The following ERAP1 variants were observed in gnomAD, a reference collection of about 807,000 sequenced individuals.
The protein encoded by ERAP1 is endoplasmic reticulum aminopeptidase 1.
Under a neutral mutation model 103.7 loss-of-function variants are expected in ERAP1, and 86 were observed. That is an observed-to-expected ratio of 0.83 (90% CI 0.70 to 0.99). The LOEUF is 0.99. Ranked by LOEUF, ERAP1 falls within the 50% of genes least tolerant of loss-of-function variation. The probability of loss-of-function intolerance (pLI) is 0.00; values close to 1 mark genes in which losing one functional copy is unlikely to be tolerated. For missense variants in ERAP1, 1,009 were observed against 1,128.4 expected (o/e 0.89, Z 1.52); for synonymous variants, 398 against 402.4 (o/e 0.99, Z 0.13).
At chr5:96,787,963 G>T (rs151964) in intron 11 of ERAP1, among the ~76,000 whole-genome samples, 94,167 of 151,856 alleles carry the variant, frequency 0.62, 29,420 homozygotes, top group Non-Finnish European at 0.66. Flanking sequence ...GGATATATAG[G>T]AATTTGTTGT....
chr5:96,857,209 C>T, the ERAP1 span, among the ~76,000 whole-genome samples: 1 of 152,220 alleles, frequency 6.6e-6, no homozygotes. Flanking sequence ...TTCAAAGAAG[C>T]CTTCCCTGAT....
At chr5:96,794,106 A>G in intron 5 of ERAP1, 149 bp from the exon 6 acceptor site, 1 of 757,834 alleles carries the variant, frequency 1.3e-6, no homozygotes, top group African/African-American at 1.8e-5. Context: ...AATGGAGAAA[A>G]AGAGGCTTAG....
the ERAP1 span, among the ~76,000 whole-genome samples, chr5:96,869,217 A>G: frequency 6.6e-6 from 1 of 152,020 alleles, no homozygotes; most frequent in East Asian, 1.9e-4. Context: ...CTTATTAGTC[A>G]ATAAAATTCA....
the ERAP1 span, among the ~76,000 whole-genome samples, chr5:96,907,239 G>T: frequency 2.6e-5 from 4 of 152,094 alleles, no homozygotes; most frequent in Non-Finnish European, 4.4e-5. Context: ...TTGAAGCATA[G>T]GGTTAGTAAT....
chr5:96,776,881 T>G, intron 18 of ERAP1: 2 of 245,742 alleles, frequency 8.1e-6, no homozygotes, highest in Non-Finnish European at 1.6e-5. Context: ...CAAACTTCGT[T>G]TTTTAAAAAC....
chr5:96,876,236 C>A, the ERAP1 span: 1 of 152,306 alleles, frequency 6.6e-6, no homozygotes, highest in East Asian at 1.9e-4. Context: ...GAAGGCTTTA[C>A]CCTGGGGACA....
chr5:96,885,457 C>T, the ERAP1 span, among the ~76,000 whole-genome samples: 1 of 152,202 alleles, frequency 6.6e-6, no homozygotes, highest in Non-Finnish European at 1.5e-5. Context: ...AGTATTTTAT[C>T]AGTACCTTCC....
In ERAP1 at chr5:96,790,368, C is replaced by G. The variant is rs770528857; in HGVS notation, c.1453-1G>C. The G allele has an allele frequency of 6.2e-7, 1 of 1,613,984 alleles. No homozygotes were observed. Among genetic ancestry groups the G allele is most frequent in the South Asian group, 1.1e-5 (1 of 91,078 alleles). On this transcript the variant is annotated splice_acceptor_variant, in intron 9 of 18. Transcript: ENST00000443439. LOFTEE classifies it high-confidence loss of function. ...CTTTTACACCATCTGTAGGGCAAAT[C>G]TAAAAACCAAAAATAAACACATCAC...
At chr5:96,874,952 A>G in the ERAP1 span, among the ~76,000 whole-genome samples, 2 of 152,210 alleles carry the variant, frequency 1.3e-5, no homozygotes, top group Non-Finnish European at 2.9e-5. Flanking sequence ...ATTCAAACAA[A>G]ACAACTATAG....
chr5:96,764,103 A>G (rs1391102202), intron 19 of ERAP1, among the ~76,000 whole-genome samples: 1 of 152,212 alleles, frequency 6.6e-6, no homozygotes, highest in Non-Finnish European at 1.5e-5. Flanking sequence ...TGTCTTATAC[A>G]ATGTAGATAT....
the ERAP1 span, among the ~76,000 whole-genome samples, chr5:96,931,157 CT>C: frequency 0.037 from 5,290 of 142,350 alleles, 128 homozygotes; most frequent in South Asian, 0.093. Flanking sequence ...TCTGGGAAAT[CT>C]TTTTTTTTTT....
intron 19 of ERAP1, chr5:96,769,433 TCCTGATCG>T (rs1472765059): frequency 3.3e-5 from 5 of 150,744 alleles, no homozygotes; most frequent in African/African-American, 1.2e-4. Context: ...CAAAAGCCAG[TCCTGATCG>T]AGACAAGCTC....
chr5:96,912,681 A>G, the ERAP1 span: 9 of 1,610,636 alleles, frequency 5.6e-6, no homozygotes, highest in African/African-American at 2.7e-5. Flanking sequence ...GTGGGTGCTC[A>G]GACAACAGCA....
At chr5:96,836,486 G>A in the ERAP1 span, among the ~76,000 whole-genome samples, 6 of 152,168 alleles carry the variant, frequency 3.9e-5, no homozygotes, top group Admixed American at 3.9e-4. Context: ...ACAGGCGTGA[G>A]CCACCACGCC....
chr5:96,763,586 C>T (rs1291316485), intron 19 of ERAP1, among the ~76,000 whole-genome samples: 3 of 152,146 alleles, frequency 2.0e-5, no homozygotes, highest in African/African-American at 7.2e-5. Flanking sequence ...TCACATTTCC[C>T]ATCAGAGAGG....
Position 96,775,978 on chromosome 5 carries a change from C to G in ERAP1, c.*418G>C, listed in dbSNP as rs531176959. On this transcript the variant is annotated 3_prime_UTR_variant, in exon 19 of 19. Transcript: ENST00000443439. ...GCCGGGAGAGCTTTAACCCAGTCAT[C>G]GTCCGGCTTAGTCTCAGATCCAGGT... 4.7e-6 allele frequency: 5 copies of G among 1,065,768 alleles called. No homozygotes were observed. Among genetic ancestry groups the G allele is most frequent in the Non-Finnish European group, 5.7e-6 (5 of 875,002 alleles). The allele number at this position is 1,065,768 out of a possible 1,614,324, so 66.0% of individuals were successfully genotyped here. A position where few individuals can be genotyped will look rare whatever the true frequency, so the allele number is the denominator to read the frequency against.
the ERAP1 span, among the ~76,000 whole-genome samples, chr5:96,832,628 G>T: frequency 1.3e-5 from 2 of 152,130 alleles, no homozygotes; most frequent in Non-Finnish European, 2.9e-5. Context: ...GTTATTTTAT[G>T]ACTTTTATCC....
the ERAP1 span, among the ~76,000 whole-genome samples, chr5:96,933,723 T>C: frequency 2.0e-5 from 3 of 152,196 alleles, no homozygotes; most frequent in African/African-American, 7.2e-5. Flanking sequence ...TACTAAGTGG[T>C]TTGGTTGCAA....
intron 14 of ERAP1, 77 bp downstream of exon 14, chr5:96,783,847 A>G: frequency 2.5e-6 from 1 of 392,814 alleles, no homozygotes. Context: ...ACACACACAC[A>G]CACACACATA....
Sources: gnomAD v4.1 joint callset for allele counts (sites outside exome capture counted in the v4.1 genomes callset) on GRCh38, gnomAD v4.1.1 for gene constraint, MANE v1.5 for transcripts, NCBI Gene and HGNC (gene_info 2026-07-23, HGNC 2026-07-21) for gene names.